AXDND1: variants seen among roughly 807,000 people sequenced by gnomAD.
AXDND1 encodes the protein axonemal dynein light chain domain containing 1.
Under a neutral mutation model 137.5 loss-of-function variants are expected in AXDND1, and 110 were observed. The ratio of observed to expected loss-of-function variants is 0.80; its 90% CI spans 0.69 to 0.94. The LOEUF is 0.94. Among genes scored for constraint, AXDND1 ranks in the 40% least tolerant of loss-of-function variants. AXDND1 has a pLI of 0.00. For synonymous variants in AXDND1, 414 were observed against 399.7 expected (o/e 1.04, Z -0.43); for missense variants, 1,191 against 1,169.8 (o/e 1.02, Z -0.26).
At chr1:179,521,546 A>G (rs1670058780) in intron 21 of AXDND1, among the ~76,000 whole-genome samples, 3 of 152,134 alleles carry the variant, frequency 2.0e-5, no homozygotes, top group Admixed American at 2.0e-4. Context: ...TTTAGCAGGA[A>G]TGCCTTTAGT....
chr1:179,400,970 T>C (rs1438565326), intron 11 of AXDND1, among the ~76,000 whole-genome samples: 10 of 114,776 alleles, frequency 8.7e-5, no homozygotes, highest in Non-Finnish European at 1.9e-4. Flanking sequence ...ATAAAAAGAA[T>C]GTGTACGGCC....
intron 17 of AXDND1, among the ~76,000 whole-genome samples, chr1:179,480,984 A>G (rs1665296558): frequency 8.6e-6 from 1 of 116,158 alleles, no homozygotes; most frequent in Non-Finnish European, 1.9e-5. Context: ...TTTTTATTTT[A>G]TATATTTTTT....
intron 16 of AXDND1, among the ~76,000 whole-genome samples, chr1:179,467,210 G>A (rs1663320218): frequency 1.3e-5 from 2 of 152,166 alleles, no homozygotes; most frequent in South Asian, 2.1e-4. Flanking sequence ...AAGTGTCTGA[G>A]GCAACCCTGA....
intron 16 of AXDND1, among the ~76,000 whole-genome samples, chr1:179,461,267 A>T (rs1304110396): frequency 6.6e-6 from 1 of 152,202 alleles, no homozygotes; most frequent in African/African-American, 2.4e-5. Flanking sequence ...GTTTCTACAT[A>T]TGGCTAGTCA....
chr1:179,493,759 G>T (rs1192838439), intron 20 of AXDND1, among the ~76,000 whole-genome samples: 4 of 152,130 alleles, frequency 2.6e-5, no homozygotes, highest in Non-Finnish European at 5.9e-5. Context: ...TTGAGGTGAT[G>T]GATACCCCTG....
intron 21 of AXDND1, among the ~76,000 whole-genome samples, chr1:179,510,929 A>G (rs990340474): frequency 1.7e-5 from 2 of 117,302 alleles, no homozygotes; most frequent in African/African-American, 6.6e-5. Flanking sequence ...CCCAAAGTCC[A>G]TTGTATCATT....
At chr1:179,399,022 C>T (rs1213338912) in intron 11 of AXDND1, among the ~76,000 whole-genome samples, 1 of 152,082 alleles carries the variant, frequency 6.6e-6, no homozygotes, top group African/African-American at 2.4e-5. Flanking sequence ...TGCTGTGGGC[C>T]TGGGGGAAGC....
At chr1:179,489,911 A>AT (rs1209555605) in intron 18 of AXDND1, among the ~76,000 whole-genome samples, 10 of 151,814 alleles carry the variant, frequency 6.6e-5, no homozygotes, top group African/African-American at 2.4e-4. Flanking sequence ...CGCCCGACTA[A>AT]TTTTTTGTAT....
chr1:179,470,129 GA>G, intron 17 of AXDND1, among the ~76,000 whole-genome samples: 1 of 152,240 alleles, frequency 6.6e-6, no homozygotes, highest in South Asian at 2.1e-4. Flanking sequence ...ATCAGTCATG[GA>G]TTTATTTCTG....
At position 179,468,629 on chromosome 1, in the gene AXDND1, T is replaced by C; in HGVS notation, c.1985T>C (p.Val662Ala). Residue 662 changes from valine (V) to alanine (A), a missense_variant, in exon 17 of 26, where the codon GTG (valine) becomes GCG (alanine). Physicochemically the swap from Val to Ala is moderately conservative, Grantham distance 64 (BLOSUM62 0). Transcript: ENST00000367618. ...GGTATTGTTCCACAGCACATAGATG[T>C]GGATTCTGTTTCGTAAGTTCCCATA... ...LTGIVPQHID[V>A]DSVSVLQAYI... 1 of 1,597,202 alleles carries C rather than the reference T, an allele frequency of 6.3e-7. No individual in the cohort carries two copies. The highest frequency in any genetic ancestry group is 8.5e-7 in the Non-Finnish European group (1 of 1,174,302).
At chr1:179,515,415 C>T (rs1005035176) in intron 21 of AXDND1, among the ~76,000 whole-genome samples, 7 of 152,154 alleles carry the variant, frequency 4.6e-5, no homozygotes, top group South Asian at 2.1e-4. Flanking sequence ...TCCCTTCCAG[C>T]TTGTAGGGTG....
intron 17 of AXDND1, among the ~76,000 whole-genome samples, chr1:179,475,810 T>A (rs1458124720): frequency 6.6e-6 from 1 of 152,182 alleles, no homozygotes; most frequent in African/African-American, 2.4e-5. Context: ...CAGAATAATA[T>A]GCTTTGGCTC....
In AXDND1 at chr1:179,445,013, T is replaced by A. The variant is rs199649322; in HGVS notation, c.1607T>A (p.Leu536Gln). 97 of 1,612,452 alleles carry A rather than the reference T, an allele frequency of 6.0e-5. No individual in the cohort carries two copies. The highest frequency in any genetic ancestry group is 6.6e-5 in the Non-Finnish European group (78 of 1,178,856). Residue 536 changes from leucine to glutamine, a missense_variant, in exon 16 of 26, where the codon CTG becomes CAG. Transcript: ENST00000367618. ...GAAGAGTTTACTGGGGATGTTCTAC[T>A]GTCAAAATACGATACTCTCAAGATT... ...KKEEFTGDVL[L>Q]SKYDTLKIIK...
rs1180144424 is a variant in AXDND1 at position 179,366,708 on chromosome 1, T to C, written c.97+102T>C. 3.2e-6 allele frequency: 3 copies of C among 938,430 alleles called. No homozygotes were observed. In the African/African-American group the frequency reaches 5.0e-5, roughly 16 times the overall value. The allele number at this position is 938,430 out of a possible 1,614,324, so 58.1% of individuals were successfully genotyped here. The stretch of plus-strand genomic sequence containing the variant: ...AAATCTGATATTCAGAATACCTTGA[T>C]TGGCTACATTTTTCTAACACACTTG... On this transcript the variant is annotated intron_variant, in intron 2 of 25. Transcript: ENST00000367618.
At chr1:179,492,324 C>T (rs113140634) in intron 19 of AXDND1, among the ~76,000 whole-genome samples, 14,116 of 152,046 alleles carry the variant, frequency 0.093, 915 homozygotes, top group African/African-American at 0.17. Context: ...ATCTGCCCAC[C>T]TTGGCCTCCC....
At chr1:179,380,925 C>T (rs1241612441) in intron 6 of AXDND1, among the ~76,000 whole-genome samples, 3 of 151,994 alleles carry the variant, frequency 2.0e-5, no homozygotes, top group South Asian at 2.1e-4. Context: ...CATGCATACA[C>T]ATGCACATAT....
In AXDND1 at chr1:179,394,828, A is replaced by G. The variant is rs6704380; in HGVS notation, c.1005-270A>G. Reference sequence around the variant, plus strand: ...GGGTAGACCAGCATGGCGGCCTTGCATGTCAGCATCTGCCTCCCTCCATTC... The same window carrying G: ...GGGTAGACCAGCATGGCGGCCTTGCGTGTCAGCATCTGCCTCCCTCCATTC... On this transcript the variant is annotated intron_variant, in intron 10 of 25. Transcript: ENST00000367618. Among the ~76,000 whole-genome samples the G allele has an allele frequency of 3.8e-3, 576 of 152,250 alleles. 5 individuals carry two copies. Among genetic ancestry groups the G allele is most frequent in the African/African-American group, 0.013 (546 of 41,548 alleles).
intron 25 of AXDND1, among the ~76,000 whole-genome samples, chr1:179,549,136 T>G (rs1456012883): frequency 6.6e-6 from 1 of 152,110 alleles, no homozygotes; most frequent in Admixed American, 6.5e-5. Context: ...AAAAAAACTA[T>G]TCCTAGAACA....
At chr1:179,366,239 C>T (rs1158993667) in intron 1 of AXDND1, 165 bp from the exon 2 acceptor site, 3 of 245,784 alleles carry the variant, frequency 1.2e-5, no homozygotes, top group Admixed American at 5.2e-5. Context: ...CCCGACCTGA[C>T]GGTCCACTAA....
Sources: gnomAD v4.1 joint callset for allele counts (sites outside exome capture counted in the v4.1 genomes callset) on GRCh38, gnomAD v4.1.1 for gene constraint, MANE v1.5 for transcripts, NCBI Gene and HGNC (gene_info 2026-07-23, HGNC 2026-07-21) for gene names.